SGIP1: variants seen among roughly 807,000 people sequenced by gnomAD.
SGIP1 encodes the protein SH3-containing GRB2-like protein 3-interacting protein 1.
In SGIP1, 38 loss-of-function variants were observed where a neutral mutation model predicts 107.5. That is an observed-to-expected ratio of 0.35 (90% CI 0.27 to 0.46). The LOEUF is 0.46. SGIP1 is among the 20% of genes least tolerant of loss of function. The pLI is 1.00. For missense variants in SGIP1, 929 were observed against 1,019.5 expected, an observed-to-expected ratio of 0.91 and a Z score of 1.21; for synonymous variants, 365 against 366.1, an observed-to-expected ratio of 1.00 and a Z score of 0.03.
intron 19 of SGIP1, among the ~76,000 whole-genome samples, chr1:66,727,405 T>C (rs866261378): frequency 6.6e-6 from 1 of 152,162 alleles, no homozygotes; most frequent in South Asian, 2.1e-4. Flanking sequence ...TTCTACCAAG[T>C]GTTGGTGAGA....
intron 1 of SGIP1, among the ~76,000 whole-genome samples, chr1:66,553,539 G>A (rs1359262663): frequency 6.6e-6 from 1 of 151,930 alleles, no homozygotes; most frequent in East Asian, 1.9e-4. Context: ...AGCTGGGTGT[G>A]GTGGTGGGCA....
intron 1 of SGIP1, among the ~76,000 whole-genome samples, chr1:66,616,343 T>G (rs890167659): frequency 6.6e-6 from 1 of 152,224 alleles, no homozygotes; most frequent in African/African-American, 2.4e-5. Context: ...GTGTCTTTTA[T>G]GTGATCTGTT....
At chr1:66,614,457 G>A (rs2068722505) in intron 1 of SGIP1, among the ~76,000 whole-genome samples, 1 of 152,126 alleles carries the variant, frequency 6.6e-6, no homozygotes, top group Admixed American at 6.5e-5. Flanking sequence ...CTTGCAAACA[G>A]GATCACTCTA....
At chr1:66,683,849 G>C (rs959268703) in intron 15 of SGIP1, among the ~76,000 whole-genome samples, 1 of 151,426 alleles carries the variant, frequency 6.6e-6, no homozygotes. Flanking sequence ...GATTATAGGT[G>C]TGTGCCACCA....
intron 12 of SGIP1, 166 bp from the exon 13 acceptor site, chr1:66,676,838 C>T (rs762181402): frequency 5.9e-5 from 36 of 606,082 alleles, no homozygotes; most frequent in Admixed American, 1.5e-4. Flanking sequence ...TATTTCTATT[C>T]TCTGCTTGAA....
At chr1:66,666,362 T>G (rs2082535780) in intron 8 of SGIP1, 1 of 179,768 alleles carries the variant, frequency 5.6e-6, no homozygotes, top group Admixed American at 6.0e-5. Flanking sequence ...GCATGCTGTT[T>G]TGGTTACTGT....
chr1:66,620,882 A>G (rs912317094), intron 1 of SGIP1, among the ~76,000 whole-genome samples: 5 of 152,338 alleles, frequency 3.3e-5, no homozygotes, highest in Admixed American at 1.3e-4. Flanking sequence ...CAGGCTTCCA[A>G]TGGGGCCTTA....
At chr1:66,718,329 A>C (rs575723981) in intron 18 of SGIP1, among the ~76,000 whole-genome samples, 35 of 152,248 alleles carry the variant, frequency 2.3e-4, no homozygotes, top group African/African-American at 7.9e-4. Flanking sequence ...AACAAAAAAA[A>C]AATCTTAAAT....
chr1:66,695,851 A>G (rs2090810434), intron 18 of SGIP1, among the ~76,000 whole-genome samples: 1 of 152,218 alleles, frequency 6.6e-6, no homozygotes, highest in Admixed American at 6.5e-5. Context: ...ATGCAGTGCA[A>G]CAAATATAAG....
At chr1:66,701,257 A>G (rs558752059) in intron 18 of SGIP1, among the ~76,000 whole-genome samples, 13 of 152,304 alleles carry the variant, frequency 8.5e-5, no homozygotes, top group African/African-American at 3.1e-4. Context: ...CTGGGGAGCA[A>G]TGGCTATGCT....
At position 66,733,895 on chromosome 1, in the gene SGIP1, A is replaced by G; in HGVS notation, c.2031+15A>G. 1.2e-6 allele frequency: 2 copies of G among 1,609,050 alleles called. No individual in the cohort carries two copies. Among genetic ancestry groups the G allele is most frequent in the Non-Finnish European group, 8.5e-7 (1 of 1,177,554 alleles). On this transcript the variant is annotated intron_variant, in intron 21 of 24. Coordinates refer to ENST00000371037, the MANE Select transcript of SGIP1 (RefSeq NM_032291.4). ...TCAAATATCAGGTAAGCCTATTTAC[A>G]TGATCGGTATCTCTTCCACATGACA...
chr1:66,639,094 T>C (rs2076305946), intron 4 of SGIP1, among the ~76,000 whole-genome samples: 1 of 152,200 alleles, frequency 6.6e-6, no homozygotes, highest in Non-Finnish European at 1.5e-5. Flanking sequence ...AAGAGAGTAG[T>C]GCTGATATCC....
rs565708443 is a variant in SGIP1, at chr1:66,750,678, T to C, written c.*7583T>C. Among the ~76,000 whole-genome samples, 2 of 152,238 alleles carry C rather than the reference T, an allele frequency of 1.3e-5. No homozygotes were observed. Among genetic ancestry groups the C allele is most frequent in the Non-Finnish European group, 2.9e-5 (2 of 68,048 alleles). On this transcript the variant is annotated 3_prime_UTR_variant, in exon 25 of 25. Transcript: ENST00000371037. ...CCTACACGTCTATTTCAAAAGAGTA[T>C]ACTTTTTTCTGACAGCCATTACTGC... is the stretch of plus-strand genomic sequence containing the variant.
chr1:66,621,284 C>A (rs1427512612), intron 1 of SGIP1, among the ~76,000 whole-genome samples: 1 of 152,092 alleles, frequency 6.6e-6, no homozygotes, highest in Non-Finnish European at 1.5e-5. Flanking sequence ...ACAACTTTGG[C>A]AAAACAAGAC....
intron 1 of SGIP1, among the ~76,000 whole-genome samples, chr1:66,586,564 T>A (rs1353343121): frequency 6.6e-6 from 1 of 152,162 alleles, no homozygotes; most frequent in East Asian, 1.9e-4. Flanking sequence ...ATTTTACCAA[T>A]TTGAGTAAAG....
Position 66,635,946 on chromosome 1 carries a change from G to T in SGIP1, c.102G>T (p.Gln34His), listed in dbSNP as rs1288051747. 1.2e-6 allele frequency: 2 copies of T among 1,613,752 alleles called. No homozygotes were observed. Among genetic ancestry groups the T allele is most frequent in the Non-Finnish European group, 1.7e-6 (2 of 1,179,808 alleles). ...TACATGAAAACAATCAATTCCAGCAGCCCAGCCCACACGAACCACCCTACA... is the reference window on the plus strand; with the variant it reads ...TACATGAAAACAATCAATTCCAGCATCCCAGCCCACACGAACCACCCTACA... ...STGSPDRDGI[Q>H]PSPHEPPYNS... The change falls in exon 4 of 25, where the codon CAG (glutamine) becomes CAT (histidine). Residue 34 changes from glutamine (Q) to histidine (H), a missense_variant and splice_region_variant. Around this residue, in one of 2 missense-constraint regions of SGIP1, gnomAD observed 588 missense variants for 588.6 expected, o/e 1.00. Coordinates refer to ENST00000371037, the MANE Select transcript of SGIP1 (RefSeq NM_032291.4).
chr1:66,701,366 T>C (rs1196183675), intron 18 of SGIP1, among the ~76,000 whole-genome samples: 1 of 152,166 alleles, frequency 6.6e-6, no homozygotes, highest in Non-Finnish European at 1.5e-5. Context: ...AAGTACCCAC[T>C]CTGCAAATCA....
chr1:66,644,664 T>C (rs1024071614), intron 7 of SGIP1, among the ~76,000 whole-genome samples: 1 of 152,188 alleles, frequency 6.6e-6, no homozygotes, highest in Non-Finnish European at 1.5e-5. Context: ...TCTAAATGAA[T>C]TGTAATCATC....
intron 8 of SGIP1, among the ~76,000 whole-genome samples, chr1:66,660,984 G>T (rs1291392169): frequency 6.6e-6 from 1 of 152,032 alleles, no homozygotes; most frequent in African/African-American, 2.4e-5. Flanking sequence ...GTTTTATTTT[G>T]TTTTTGTTTT....
Sources: allele counts gnomAD v4.1 joint callset (sites outside exome capture counted in the v4.1 genomes callset), GRCh38; gene constraint gnomAD v4.1.1; regional missense constraint gnomAD v4.1.1; transcripts MANE v1.5; gene names NCBI Gene and HGNC (gene_info 2026-07-23, HGNC 2026-07-21).